Variants in CNTNAP2 observed in about 807,000 individuals in gnomAD.
CNTNAP2 encodes the protein contactin associated protein 2, also known as contactin-associated protein-like 2.
Under a neutral mutation model 155.2 loss-of-function variants are expected in CNTNAP2, and 98 were observed. That is an observed-to-expected ratio of 0.63 (90% CI 0.54 to 0.75). The LOEUF (loss-of-function observed/expected upper bound fraction) is 0.75. Ranked by LOEUF, CNTNAP2 falls within the 30% of genes least tolerant of loss-of-function variation. The pLI is 0.00. For missense variants in CNTNAP2, 1,727 were observed against 1,688.1 expected (o/e 1.02, Z -0.40); for synonymous variants, 651 against 631.2 (o/e 1.03, Z -0.47).
intron 3 of CNTNAP2, among the ~76,000 whole-genome samples, chr7:146,849,925 C>T (rs1484508986): frequency 1.3e-5 from 2 of 152,142 alleles, no homozygotes; most frequent in African/African-American, 4.8e-5. Context: ...TCATCTTGCA[C>T]AGCTTTCAGG....
In CNTNAP2 at chr7:148,233,243, C is replaced by T. The variant is rs1795992852; in HGVS notation, c.3381+3464C>T. 2.0e-5 allele frequency among the ~76,000 whole-genome samples: 3 copies of T among 152,188 alleles called. No homozygotes were observed. The South Asian group carries it at 6.2e-4, about 32-fold the overall frequency. On this transcript the variant is annotated intron_variant, in intron 20 of 23. Transcript: ENST00000361727. ...CAACTAACCCTTTCTTCTTCCTTTCCTTCCTTCCGTCTTGCCATCCATGTT... is the reference window on the plus strand; with the variant it reads ...CAACTAACCCTTTCTTCTTCCTTTCTTTCCTTCCGTCTTGCCATCCATGTT...
intron 1 of CNTNAP2, among the ~76,000 whole-genome samples, chr7:146,160,114 G>A (rs1443345733): frequency 6.6e-6 from 1 of 152,106 alleles, no homozygotes; most frequent in Non-Finnish European, 1.5e-5. Context: ...ACAAAATGAA[G>A]GCAGAAATAA....
At chr7:147,759,407 T>A (rs1797265293) in intron 13 of CNTNAP2, among the ~76,000 whole-genome samples, 1 of 152,202 alleles carries the variant, frequency 6.6e-6, no homozygotes, top group African/African-American at 2.4e-5. Flanking sequence ...CTCTTTGCAA[T>A]GAGTACCTCC....
At chr7:147,183,251 A>G (rs1802502171) in intron 8 of CNTNAP2, among the ~76,000 whole-genome samples, 1 of 152,210 alleles carries the variant, frequency 6.6e-6, no homozygotes, top group African/African-American at 2.4e-5. Flanking sequence ...TGTATCTCAG[A>G]TACTCTGATT....
intron 13 of CNTNAP2, among the ~76,000 whole-genome samples, chr7:147,819,250 AAGCTGTACC>A (rs1259577052): frequency 1.3e-5 from 2 of 152,204 alleles, no homozygotes; most frequent in African/African-American, 4.8e-5. Context: ...GTTTTGCTGT[AAGCTGTACC>A]AGCACTAGAA....
At chr7:146,283,060 G>A (rs1391454635) in intron 1 of CNTNAP2, among the ~76,000 whole-genome samples, 1 of 152,070 alleles carries the variant, frequency 6.6e-6, no homozygotes, top group African/African-American at 2.4e-5. Context: ...TTATTTAGAT[G>A]GACACAGTGA....
chr7:148,108,264 A>T (rs1804266414), intron 15 of CNTNAP2, among the ~76,000 whole-genome samples: 1 of 152,122 alleles, frequency 6.6e-6, no homozygotes, highest in Non-Finnish European at 1.5e-5. Flanking sequence ...TCCTTTCATC[A>T]GATTTTTACT....
chr7:147,676,188 C>G (rs983104680), intron 13 of CNTNAP2, among the ~76,000 whole-genome samples: 1 of 151,776 alleles, frequency 6.6e-6, no homozygotes, highest in Non-Finnish European at 1.5e-5. Flanking sequence ...AATAGACATA[C>G]GATGACTAAT....
At chr7:147,802,795 GGGAGA>G in intron 13 of CNTNAP2, among the ~76,000 whole-genome samples, 1 of 94,994 alleles carries the variant, frequency 1.1e-5, no homozygotes, top group Admixed American at 1.0e-4. Context: ...GAGGGGGAGG[GGGAGA>G]GGGAGAGGGA....
At chr7:146,297,269 T>A (rs1215256464) in intron 1 of CNTNAP2, among the ~76,000 whole-genome samples, 1 of 152,126 alleles carries the variant, frequency 6.6e-6, no homozygotes, top group African/African-American at 2.4e-5. Flanking sequence ...TATGTTTTCT[T>A]GTTCCATAAA....
At chr7:147,451,575 A>G (rs931797325) in intron 10 of CNTNAP2, among the ~76,000 whole-genome samples, 25 of 152,234 alleles carry the variant, frequency 1.6e-4, no homozygotes, top group African/African-American at 5.8e-4. Flanking sequence ...AAACTTTCTC[A>G]AGATCACGTA....
intron 3 of CNTNAP2, among the ~76,000 whole-genome samples, chr7:147,010,878 C>G (rs1237973287): frequency 6.6e-6 from 1 of 151,958 alleles, no homozygotes; most frequent in Non-Finnish European, 1.5e-5. Flanking sequence ...CTAAATGTAC[C>G]TCCCCCCGCC....
intron 3 of CNTNAP2, among the ~76,000 whole-genome samples, chr7:147,016,030 C>G (rs1030021021): frequency 6.6e-6 from 1 of 152,044 alleles, no homozygotes; most frequent in East Asian, 1.9e-4. Flanking sequence ...AAGTACTTAC[C>G]TAATTTTCAT....
chr7:148,032,316 G>T (rs1323104677), intron 15 of CNTNAP2, among the ~76,000 whole-genome samples: 1 of 152,144 alleles, frequency 6.6e-6, no homozygotes, highest in Non-Finnish European at 1.5e-5. Flanking sequence ...AGCGCCAGCA[G>T]GTACAGATGG....
chr7:147,028,958 T>G (rs1798973764), intron 3 of CNTNAP2, among the ~76,000 whole-genome samples: 1 of 141,342 alleles, frequency 7.1e-6, no homozygotes, highest in African/African-American at 2.8e-5. Context: ...TAAGATATGT[T>G]CTTTTTTTTT....
intron 8 of CNTNAP2, among the ~76,000 whole-genome samples, chr7:147,135,551 A>C (rs1433698430): frequency 6.6e-6 from 1 of 151,836 alleles, no homozygotes; most frequent in East Asian, 1.9e-4. Context: ...TCTAATGAAT[A>C]ATAGCTGTTC....
chr7:147,610,015 T>A (rs1270539749), intron 12 of CNTNAP2, among the ~76,000 whole-genome samples: 1 of 152,074 alleles, frequency 6.6e-6, no homozygotes, highest in Non-Finnish European at 1.5e-5. Flanking sequence ...GTGAGGACAA[T>A]CAGTGTGTTT....
intron 10 of CNTNAP2, among the ~76,000 whole-genome samples, chr7:147,463,955 T>C (rs116207664): frequency 0.055 from 2,495 of 45,694 alleles, 83 homozygotes; most frequent in African/African-American, 0.21. Context: ...TTGGCCCCAC[T>C]ACTAAAAAAA....
At chr7:146,158,674 A>G (rs1465048866) in intron 1 of CNTNAP2, among the ~76,000 whole-genome samples, 2 of 152,170 alleles carry the variant, frequency 1.3e-5, no homozygotes, top group Non-Finnish European at 2.9e-5. Flanking sequence ...GAAATGAAGC[A>G]AGAAGAGAAG....
Sources: gnomAD v4.1 joint callset for allele counts (sites outside exome capture counted in the v4.1 genomes callset) on GRCh38, gnomAD v4.1.1 for gene constraint, MANE v1.5 for transcripts, NCBI Gene and HGNC (gene_info 2026-07-23, HGNC 2026-07-21) for gene names.